Variants in CNTNAP2 observed in about 807,000 individuals in gnomAD.
The protein encoded by CNTNAP2 is contactin associated protein 2.
Under a neutral mutation model 155.2 loss-of-function variants are expected in CNTNAP2, and 98 were observed. That is an observed-to-expected ratio of 0.63 (90% confidence interval 0.54 to 0.75). CNTNAP2 has a LOEUF of 0.75. CNTNAP2 is among the 30% of genes least tolerant of loss of function. CNTNAP2 has a pLI of 0.00. For synonymous variants in CNTNAP2, 651 were observed against 631.2 expected, an observed-to-expected ratio of 1.03 and a Z score of -0.47; for missense variants, 1,727 against 1,688.1, an observed-to-expected ratio of 1.02 and a Z score of -0.40.
At chr7:146,763,107 G>T (rs1488807688) in intron 1 of CNTNAP2, among the ~76,000 whole-genome samples, 1 of 152,124 alleles carries the variant, frequency 6.6e-6, no homozygotes, top group African/African-American at 2.4e-5. Flanking sequence ...AGCAAAGTTG[G>T]CTTCCATCCC....
At chr7:147,955,676 C>A (rs1039505787) in intron 14 of CNTNAP2, among the ~76,000 whole-genome samples, 3 of 152,126 alleles carry the variant, frequency 2.0e-5, no homozygotes, top group Admixed American at 6.6e-5. Flanking sequence ...TGCTCCCCAC[C>A]TCAGCTATCA....
chr7:147,040,902 C>A (rs962335128), intron 3 of CNTNAP2, among the ~76,000 whole-genome samples: 7 of 152,198 alleles, frequency 4.6e-5, no homozygotes, highest in African/African-American at 1.7e-4. Flanking sequence ...TGCCTGCACA[C>A]TAATATCTTG....
chr7:146,204,391 CT>C (rs1798914813), intron 1 of CNTNAP2, among the ~76,000 whole-genome samples: 1 of 152,072 alleles, frequency 6.6e-6, no homozygotes, highest in African/African-American at 2.4e-5. Context: ...ATAGGTATAC[CT>C]TTTTTTATTA....
chr7:146,547,032 T>A (rs1487155101), intron 1 of CNTNAP2, among the ~76,000 whole-genome samples: 1 of 151,790 alleles, frequency 6.6e-6, no homozygotes, highest in East Asian at 1.9e-4. Flanking sequence ...GTCGTTTAGG[T>A]CGTAAGCACT....
chr7:147,529,647 C>T (rs1304750962), intron 11 of CNTNAP2, among the ~76,000 whole-genome samples: 2 of 151,970 alleles, frequency 1.3e-5, no homozygotes, highest in Non-Finnish European at 2.9e-5. Flanking sequence ...GAATCAAGGA[C>T]GTTGAGGCTT....
intron 15 of CNTNAP2, among the ~76,000 whole-genome samples, chr7:148,114,033 T>G (rs1804411702): frequency 6.6e-6 from 1 of 152,218 alleles, no homozygotes. Flanking sequence ...CTTTGCCATA[T>G]AGTGAATCTC....
At chr7:148,243,818 A>G (rs992383322) in intron 20 of CNTNAP2, among the ~76,000 whole-genome samples, 1 of 152,042 alleles carries the variant, frequency 6.6e-6, no homozygotes, top group Non-Finnish European at 1.5e-5. Flanking sequence ...GAAAAAAAAA[A>G]CTTTTGAAGA....
At chr7:147,811,251 C>T (rs1183490997) in intron 13 of CNTNAP2, among the ~76,000 whole-genome samples, 11 of 152,198 alleles carry the variant, frequency 7.2e-5, no homozygotes, top group Non-Finnish European at 1.2e-4. Flanking sequence ...CGTGCAACCA[C>T]GCTCAGCTGA....
chr7:146,786,318 C>G (rs10487919), intron 2 of CNTNAP2, among the ~76,000 whole-genome samples: 13,007 of 152,202 alleles, frequency 0.085, 1,506 homozygotes, highest in African/African-American at 0.26. Context: ...AATAATGACT[C>G]TGTTAGCAAC....
chr7:147,501,062 C>G (rs576963584), intron 11 of CNTNAP2, among the ~76,000 whole-genome samples: 1 of 152,074 alleles, frequency 6.6e-6, no homozygotes, highest in South Asian at 2.1e-4. Flanking sequence ...TCCCTGGATG[C>G]AAGGATGGTT....
chr7:148,064,922 A>C (rs1368157470), intron 15 of CNTNAP2, among the ~76,000 whole-genome samples: 1 of 152,088 alleles, frequency 6.6e-6, no homozygotes, highest in Non-Finnish European at 1.5e-5. Context: ...TGATGTAAGC[A>C]TTTAATGCTA....
At chr7:147,856,664 C>T (rs1432981963) in intron 13 of CNTNAP2, among the ~76,000 whole-genome samples, 3 of 146,254 alleles carry the variant, frequency 2.1e-5, no homozygotes, top group Admixed American at 1.4e-4. Context: ...ACATTTTGTT[C>T]GTATAAGTCA....
chr7:147,014,903 T>C (rs1798692004), intron 3 of CNTNAP2, among the ~76,000 whole-genome samples: 1 of 152,162 alleles, frequency 6.6e-6, no homozygotes, highest in South Asian at 2.1e-4. Context: ...ACTGCTCTAA[T>C]TGAGATGCCT....
At chr7:146,961,142 T>C (rs762805773) in intron 3 of CNTNAP2, among the ~76,000 whole-genome samples, 1 of 152,214 alleles carries the variant, frequency 6.6e-6, no homozygotes, top group Non-Finnish European at 1.5e-5. Flanking sequence ...TTATTCATTT[T>C]CCACTTGACA....
At chr7:146,569,433 A>T (rs10249436) in intron 1 of CNTNAP2, among the ~76,000 whole-genome samples, 1 of 152,214 alleles carries the variant, frequency 6.6e-6, no homozygotes, top group African/African-American at 2.4e-5. Flanking sequence ...TCACATTTCA[A>T]ACTTTATCTT....
At chr7:146,169,201 T>G (rs142252386) in intron 1 of CNTNAP2, among the ~76,000 whole-genome samples, 1 of 152,350 alleles carries the variant, frequency 6.6e-6, no homozygotes, top group East Asian at 1.9e-4. Context: ...GATAGAATTC[T>G]AACTTACCCA....
At chr7:146,633,176 A>T (rs2129159225) in intron 1 of CNTNAP2, among the ~76,000 whole-genome samples, 1 of 152,316 alleles carries the variant, frequency 6.6e-6, no homozygotes, top group Non-Finnish European at 1.5e-5. Context: ...CCCGTAGATT[A>T]TACTTTTCAG....
intron 4 of CNTNAP2, among the ~76,000 whole-genome samples, chr7:147,062,460 G>C (rs999056075): frequency 6.6e-6 from 1 of 151,966 alleles, no homozygotes; most frequent in Non-Finnish European, 1.5e-5. Context: ...TATTATAAAT[G>C]ATATGATATA....
intron 1 of CNTNAP2, among the ~76,000 whole-genome samples, chr7:146,306,125 G>A (rs960153052): frequency 4.6e-5 from 7 of 152,114 alleles, no homozygotes; most frequent in African/African-American, 1.7e-4. Flanking sequence ...ACACCTCTAT[G>A]CAAATAACCT....
Sources: allele counts gnomAD v4.1 joint callset (sites outside exome capture counted in the v4.1 genomes callset), GRCh38; gene constraint gnomAD v4.1.1; transcripts MANE v1.5; gene names NCBI Gene and HGNC (gene_info 2026-07-23, HGNC 2026-07-21).